MAP3K20: variants seen among roughly 807,000 people sequenced by gnomAD.
MAP3K20 encodes mitogen-activated protein kinase kinase kinase 20.
In MAP3K20, 40 loss-of-function variants were observed where a neutral mutation model predicts 85.7. The observed-to-expected ratio is 0.47, with a 90% CI of 0.36 to 0.61. MAP3K20 has a LOEUF of 0.61. Ranked by LOEUF, MAP3K20 falls within the 20% of genes least tolerant of loss-of-function variation. MAP3K20 has a pLI of 0.00. For synonymous variants in MAP3K20, 325 were observed against 327.7 expected, an observed-to-expected ratio of 0.99 and a Z score of 0.09; for missense variants, 817 against 961.7, an observed-to-expected ratio of 0.85 and a Z score of 1.99.
intron 2 of MAP3K20, among the ~76,000 whole-genome samples, chr2:173,133,299 T>C (rs979018815): frequency 3.3e-5 from 5 of 152,178 alleles, no homozygotes; most frequent in African/African-American, 4.8e-5. Flanking sequence ...GTAGAGACGA[T>C]GCACAGTTTG....
intron 1 of MAP3K20, among the ~76,000 whole-genome samples, chr2:173,079,528 A>G (rs1221492940): frequency 6.6e-6 from 1 of 152,288 alleles, no homozygotes; most frequent in African/African-American, 2.4e-5. Context: ...ATAAACTTTA[A>G]ACTTTTTTTT....
intron 16 of MAP3K20, among the ~76,000 whole-genome samples, chr2:173,242,372 T>A (rs1381598223): frequency 6.6e-6 from 1 of 152,022 alleles, no homozygotes; most frequent in Non-Finnish European, 1.5e-5. Flanking sequence ...TTTCTCCATG[T>A]TGGCCAGGCT....
chr2:173,122,628 T>C (rs939804945), intron 2 of MAP3K20, among the ~76,000 whole-genome samples: 2 of 152,144 alleles, frequency 1.3e-5, no homozygotes, highest in Admixed American at 6.6e-5. Context: ...TGACTCTCCA[T>C]TGTGGTGACG....
At chr2:173,080,795 G>A (rs1686992798) in intron 1 of MAP3K20, among the ~76,000 whole-genome samples, 2 of 152,136 alleles carry the variant, frequency 1.3e-5, no homozygotes, top group Non-Finnish European at 2.9e-5. Flanking sequence ...CCTGCTTTGA[G>A]TATAAGTGTT....
intron 8 of MAP3K20, among the ~76,000 whole-genome samples, chr2:173,202,800 G>A (rs902290615): frequency 9.2e-5 from 14 of 152,176 alleles, no homozygotes; most frequent in African/African-American, 3.4e-4. Flanking sequence ...TAGCACTGTT[G>A]TTGTTATGTC....
intron 2 of MAP3K20, among the ~76,000 whole-genome samples, chr2:173,106,511 A>T (rs1687787239): frequency 6.6e-6 from 1 of 152,224 alleles, no homozygotes; most frequent in South Asian, 2.1e-4. Flanking sequence ...CCACTGAACT[A>T]GGGAAATGTA....
intron 7 of MAP3K20, among the ~76,000 whole-genome samples, chr2:173,194,086 T>C (rs1396709405): frequency 6.6e-6 from 1 of 152,192 alleles, no homozygotes; most frequent in Non-Finnish European, 1.5e-5. Context: ...AAATGCCATT[T>C]CAGTGAGTGA....
At chr2:173,090,650 G>A (rs1234699826) in intron 1 of MAP3K20, 12 of 995,108 alleles carry the variant, frequency 1.2e-5, no homozygotes, top group East Asian at 1.1e-4. Flanking sequence ...CATGCTTCCC[G>A]TCTGTCAGGG....
intron 3 of MAP3K20, among the ~76,000 whole-genome samples, chr2:173,179,972 TC>T (rs533856627): frequency 6.6e-6 from 1 of 152,138 alleles, no homozygotes; most frequent in Non-Finnish European, 1.5e-5. Context: ...AAATTAAAGA[TC>T]TAAACAAATA....
intron 2 of MAP3K20, among the ~76,000 whole-genome samples, chr2:173,138,023 A>G (rs1211224299): frequency 6.6e-6 from 1 of 152,122 alleles, no homozygotes; most frequent in South Asian, 2.1e-4. Flanking sequence ...TGGAGTGTGC[A>G]GTGGCGTGAT....
Position 173,263,907 on chromosome 2 carries a change from T to G in MAP3K20, c.1702+12T>G. The G allele has an allele frequency of 6.2e-7, 1 of 1,604,962 alleles. No homozygotes were observed. The highest frequency in any genetic ancestry group is 1.1e-5 in the South Asian group (1 of 89,044). ...CAGGTCCGACTCAAGTAAGTTAGTG[T>G]TCCCGTATTAGATGTGTGCTAGATT... On this transcript the variant is annotated intron_variant, in intron 19 of 19. Transcript: ENST00000375213.
chr2:173,254,855 C>T (rs529917423), intron 16 of MAP3K20, among the ~76,000 whole-genome samples: 1 of 152,202 alleles, frequency 6.6e-6, no homozygotes, highest in South Asian at 2.1e-4. Context: ...GCAACGATGA[C>T]ATCATAGATG....
chr2:173,226,661 GAT>G (rs1263118627), intron 11 of MAP3K20: 2 of 985,652 alleles, frequency 2.0e-6, no homozygotes, highest in East Asian at 2.3e-4. Context: ...TCTGGCATGT[GAT>G]TATTTACTTC....
chr2:173,154,715 A>G (rs1013319631), intron 2 of MAP3K20, among the ~76,000 whole-genome samples: 3 of 152,184 alleles, frequency 2.0e-5, no homozygotes, highest in African/African-American at 7.2e-5. Context: ...TTTAATTCGT[A>G]TCAATATATA....
chr2:173,126,172 G>A (rs1313627043), intron 2 of MAP3K20, among the ~76,000 whole-genome samples: 2 of 152,058 alleles, frequency 1.3e-5, no homozygotes, highest in African/African-American at 2.4e-5. Flanking sequence ...AAAATACTTT[G>A]TGTAATGTTT....
At chr2:173,215,194 G>A (rs999449067) in intron 10 of MAP3K20, among the ~76,000 whole-genome samples, 4 of 152,190 alleles carry the variant, frequency 2.6e-5, no homozygotes, top group Admixed American at 2.0e-4. Context: ...TGTCTCACTG[G>A]CAGGGGTGTG....
intron 4 of MAP3K20, among the ~76,000 whole-genome samples, chr2:173,186,076 C>A (rs1014289537): frequency 6.6e-6 from 1 of 152,114 alleles, no homozygotes; most frequent in Non-Finnish European, 1.5e-5. Context: ...TAAATGTATA[C>A]TATGCATCGT....
intron 2 of MAP3K20, among the ~76,000 whole-genome samples, chr2:173,129,003 A>G (rs2106197914): frequency 7.1e-6 from 1 of 141,638 alleles, no homozygotes; most frequent in South Asian, 2.2e-4. Flanking sequence ...GGCTCACTGC[A>G]GCCTCTGCCT....
intron 2 of MAP3K20, among the ~76,000 whole-genome samples, chr2:173,168,343 A>G (rs942225143): frequency 6.6e-6 from 1 of 152,148 alleles, no homozygotes; most frequent in Admixed American, 6.5e-5. Flanking sequence ...GTATTACTAT[A>G]AGAAAACACT....
Sources: allele counts gnomAD v4.1 joint callset (sites outside exome capture counted in the v4.1 genomes callset), GRCh38; gene constraint gnomAD v4.1.1; transcripts MANE v1.5; gene names NCBI Gene and HGNC (gene_info 2026-07-23, HGNC 2026-07-21).